Variants in GNAQ observed in about 807,000 individuals in gnomAD.
GNAQ encodes G protein subunit alpha q.
GNAQ carries 8 observed loss-of-function variants against 43.9 expected under a neutral mutation model. The ratio of observed to expected loss-of-function variants is 0.18; its 90% CI spans 0.11 to 0.33. GNAQ has a LOEUF of 0.33. Ranked by LOEUF, GNAQ falls within the 10% of genes least tolerant of loss-of-function variation. The pLI is 1.00. For synonymous variants in GNAQ, 155 were observed against 170.7 expected (o/e 0.91, Z 0.71); for missense variants, 158 against 450.8 (o/e 0.35, Z 5.88).
At chr9:78,009,279 G>A (rs1233278468) in intron 1 of GNAQ, among the ~76,000 whole-genome samples, 2 of 152,114 alleles carry the variant, frequency 1.3e-5, no homozygotes, top group Non-Finnish European at 1.5e-5. Context: ...CACCAACAAT[G>A]TGCACTGCCA....
chr9:77,861,165 A>G (rs1275924240), intron 2 of GNAQ, among the ~76,000 whole-genome samples: 2 of 152,194 alleles, frequency 1.3e-5, no homozygotes, highest in African/African-American at 4.8e-5. Flanking sequence ...GCAAAGAGAG[A>G]GAGCTTGAGC....
Position 77,744,845 on chromosome 9 carries a change from A to G in GNAQ, c.736-16178T>C, listed in dbSNP as rs528754212. On this transcript the variant is annotated intron_variant, in intron 5 of 6. Coordinates refer to ENST00000286548, the MANE Select transcript of GNAQ (RefSeq NM_002072.5). ...TAAAATCTCCAGGAACTTCCAGGAA[A>G]AAACTATTTACTTCATTCTGTTCCC... Among the ~76,000 whole-genome samples the G allele has an allele frequency of 4.6e-5, 7 of 152,300 alleles. No homozygotes were observed. The East Asian group carries it at 1.4e-3, about 29-fold the overall frequency.
At chr9:78,028,385 C>A (rs992998456) in intron 1 of GNAQ, among the ~76,000 whole-genome samples, 2 of 152,050 alleles carry the variant, frequency 1.3e-5, no homozygotes, top group Non-Finnish European at 2.9e-5. Flanking sequence ...ATCAACATAG[C>A]CCAAATTTTA....
intron 1 of GNAQ, among the ~76,000 whole-genome samples, chr9:78,002,511 A>C (rs901075770): frequency 6.6e-6 from 1 of 152,192 alleles, no homozygotes; most frequent in Admixed American, 6.5e-5. Context: ...CCCTTGGTAC[A>C]GAGCCAAACA....
intron 6 of GNAQ, among the ~76,000 whole-genome samples, chr9:77,723,064 C>CA (rs1234511324): frequency 1.3e-5 from 2 of 152,106 alleles, no homozygotes; most frequent in Admixed American, 6.5e-5. Context: ...AATTCAATAA[C>CA]AAAAAACCCA....
intron 5 of GNAQ, among the ~76,000 whole-genome samples, chr9:77,739,067 C>T (rs1055912117): frequency 6.6e-6 from 1 of 152,162 alleles, no homozygotes; most frequent in African/African-American, 2.4e-5. Flanking sequence ...CTCTTGGTTA[C>T]AGGCTACCAA....
intron 2 of GNAQ, among the ~76,000 whole-genome samples, chr9:77,827,154 T>C (rs1827211016): frequency 6.6e-6 from 1 of 152,092 alleles, no homozygotes; most frequent in Non-Finnish European, 1.5e-5. Flanking sequence ...AAGGCCGAAT[T>C]TCATTATATT....
At chr9:77,727,344 G>C (rs891241978) in intron 6 of GNAQ, among the ~76,000 whole-genome samples, 1 of 152,128 alleles carries the variant, frequency 6.6e-6, no homozygotes, top group Non-Finnish European at 1.5e-5. Flanking sequence ...GGCAGCAGTC[G>C]TGACTCTCAC....
intron 2 of GNAQ, among the ~76,000 whole-genome samples, chr9:77,857,385 C>G (rs576866195): frequency 6.6e-6 from 1 of 152,034 alleles, no homozygotes; most frequent in African/African-American, 2.4e-5. Flanking sequence ...TTATCTAGAT[C>G]TTTGTTTAAC....
intron 3 of GNAQ, among the ~76,000 whole-genome samples, chr9:77,801,610 T>C (rs1826743680): frequency 6.6e-6 from 1 of 152,224 alleles, no homozygotes; most frequent in African/African-American, 2.4e-5. Flanking sequence ...AGGCTCACTT[T>C]GCTTGGGGTG....
chr9:77,853,774 CAAAAAAAA>C (rs34924714), intron 2 of GNAQ, among the ~76,000 whole-genome samples: 10 of 56,760 alleles, frequency 1.8e-4, no homozygotes, highest in South Asian at 1.2e-3. Flanking sequence ...AAATTACTAC[CAAAAAAAA>C]AAAAAAAAAA....
At chr9:77,970,638 A>G (rs558340533) in intron 1 of GNAQ, among the ~76,000 whole-genome samples, 3 of 152,346 alleles carry the variant, frequency 2.0e-5, no homozygotes, top group Admixed American at 1.3e-4. Flanking sequence ...CATTTAATGC[A>G]GTGTGTAGAG....
intron 5 of GNAQ, among the ~76,000 whole-genome samples, chr9:77,790,966 C>T (rs148724817): frequency 5.3e-5 from 8 of 152,300 alleles, no homozygotes; most frequent in African/African-American, 1.9e-4. Context: ...TTCCTTTTAT[C>T]AATTGAGCAA....
intron 1 of GNAQ, among the ~76,000 whole-genome samples, chr9:77,957,407 A>C (rs1181003745): frequency 7.9e-5 from 12 of 152,022 alleles, no homozygotes. Flanking sequence ...AAAAACCCTT[A>C]ATAATAATAT....
intron 2 of GNAQ, among the ~76,000 whole-genome samples, chr9:77,882,881 G>C (rs1368162041): frequency 6.6e-6 from 1 of 151,982 alleles, no homozygotes; most frequent in Admixed American, 6.5e-5. Flanking sequence ...TGTTTCTGAG[G>C]GAAACTATCT....
chr9:78,031,666 C>T lies in GNAQ; in HGVS notation c.-431G>A, dbSNP rs1824064451. On this transcript the variant is annotated 5_prime_UTR_variant, in exon 1 of 7. Coordinates refer to ENST00000286548, the MANE Select transcript of GNAQ (RefSeq NM_002072.5). The stretch of plus-strand genomic sequence containing the variant: ...GCGAGAGCTCATTCACCGGGGTGTC[C>T]CCGCAGCGAGCGGCCGCCGACGGCT... Among the ~76,000 whole-genome samples, 1 of 147,728 alleles carries T rather than the reference C, an allele frequency of 6.8e-6. No individual in the cohort carries two copies. Among genetic ancestry groups the T allele is most frequent in the South Asian group, 2.1e-4 (1 of 4,826 alleles).
At chr9:77,840,222 C>CT (rs1827465467) in intron 2 of GNAQ, among the ~76,000 whole-genome samples, 1 of 152,096 alleles carries the variant, frequency 6.6e-6, no homozygotes, top group Admixed American at 6.6e-5. Flanking sequence ...AATTGGTATA[C>CT]TTCTAAATAG....
chr9:78,009,750 G>A (rs773791573), intron 1 of GNAQ, among the ~76,000 whole-genome samples: 4 of 152,100 alleles, frequency 2.6e-5, no homozygotes, highest in Non-Finnish European at 5.9e-5. Flanking sequence ...AAGTTTAAAT[G>A]AATCTGATCT....
chr9:77,730,972 T>C (rs1429621090), intron 5 of GNAQ, among the ~76,000 whole-genome samples: 1 of 152,326 alleles, frequency 6.6e-6, no homozygotes, highest in Admixed American at 6.5e-5. Flanking sequence ...AACCCCTTAC[T>C]TATAACTAGA....
Sources: allele counts gnomAD v4.1 joint callset (sites outside exome capture counted in the v4.1 genomes callset), GRCh38; gene constraint gnomAD v4.1.1; transcripts MANE v1.5; gene names NCBI Gene and HGNC (gene_info 2026-07-23, HGNC 2026-07-21).